DNAH8: variants seen among roughly 807,000 people sequenced by gnomAD.
DNAH8 encodes dynein axonemal heavy chain 8.
Under a neutral mutation model 562.1 loss-of-function variants are expected in DNAH8, and 382 were observed. The ratio of observed to expected loss-of-function variants is 0.68; its 90% confidence interval spans 0.63 to 0.74. The LOEUF (loss-of-function observed/expected upper bound fraction) is 0.74, where lower values mean the gene tolerates loss of function less well. DNAH8 is among the 30% of genes least tolerant of loss of function. The probability of loss-of-function intolerance (pLI) is 0.00; values close to 1 mark genes in which losing one functional copy is unlikely to be tolerated. For missense variants in DNAH8, 5,203 were observed against 5,620.4 expected, an observed-to-expected ratio of 0.93 and a Z score of 2.37; for synonymous variants, 1,881 against 1,919.4, an observed-to-expected ratio of 0.98 and a Z score of 0.52.
rs75272048 is a variant in DNAH8, at chr6:38,940,514, A to G, written c.12007+1526A>G. Among the ~76,000 whole-genome samples the G allele has an allele frequency of 2.2e-4, 33 of 152,318 alleles. 2 individuals are homozygous for G. In the East Asian group the frequency reaches 5.8e-3, roughly 27 times the overall value. On this transcript the variant is annotated intron_variant, in intron 79 of 92. Coordinates refer to ENST00000327475, the MANE Select transcript of DNAH8 (RefSeq NM_001206927.2). ...CAGTGACTTAACACAACCAAGGTGT[A>G]CTTCTCATTCATGTTACCTCTCCAA...
intron 8 of DNAH8, among the ~76,000 whole-genome samples, chr6:38,745,382 C>A (rs1388230441): frequency 6.6e-6 from 1 of 152,202 alleles, no homozygotes; most frequent in Non-Finnish European, 1.5e-5. Flanking sequence ...CCCCCATATG[C>A]ACTTTGACAA....
chr6:38,779,063 T>C (rs2038200), intron 14 of DNAH8, among the ~76,000 whole-genome samples: 18,649 of 152,154 alleles, frequency 0.12, 1,395 homozygotes, highest in Admixed American at 0.22. Context: ...CCCTCTATCC[T>C]AACAGCACTA....
intron 60 of DNAH8, among the ~76,000 whole-genome samples, chr6:38,897,936 A>T (rs1394657821): frequency 1.3e-5 from 2 of 152,230 alleles, no homozygotes; most frequent in African/African-American, 2.4e-5. Context: ...ATATTTTTGA[A>T]AGCTGCAAAC....
chr6:38,779,172 G>A (rs1031319648), intron 14 of DNAH8, among the ~76,000 whole-genome samples: 1 of 152,158 alleles, frequency 6.6e-6, no homozygotes, highest in Non-Finnish European at 1.5e-5. Flanking sequence ...TGTCAGGGAC[G>A]CTTGTGGAAC....
intron 61 of DNAH8, among the ~76,000 whole-genome samples, chr6:38,898,761 A>G (rs1779876424): frequency 6.6e-6 from 1 of 152,204 alleles, no homozygotes; most frequent in South Asian, 2.1e-4. Flanking sequence ...TGTTGCTTTT[A>G]AAAGTGTCAA....
chr6:38,838,492 G>A (rs1036499818), intron 33 of DNAH8, among the ~76,000 whole-genome samples: 54 of 149,996 alleles, frequency 3.6e-4, no homozygotes, highest in Admixed American at 1.6e-3. Flanking sequence ...TCTGCCTCCC[G>A]GATTCATGCT....
rs755614802 is a variant in DNAH8 at position 38,857,751 on chromosome 6, TC to T, written c.5958+10del. 2.6e-6 allele frequency: 4 copies of T among 1,559,068 alleles called. No homozygotes were observed. In the African/African-American group the frequency reaches 5.5e-5, roughly 21 times the overall value. ...ATATTTTTGATGACTTGGTAAGGTA[TC>T]TTTTTTTTTAATTTAGTGTACTAAC... is the stretch of plus-strand genomic sequence containing the variant. On this transcript the variant is annotated intron_variant, in intron 42 of 92. Transcript: ENST00000327475.
chr6:38,939,055 C>A, intron 79 of DNAH8, 67 bp downstream of exon 79: 1 of 1,244,326 alleles, frequency 8.0e-7, no homozygotes, highest in Non-Finnish European at 1.1e-6. Flanking sequence ...TTTGATATAC[C>A]ATAAACCCAT....
chr6:38,734,369 C>A, intron 4 of DNAH8, 105 bp from the exon 5 acceptor site: 1 of 1,240,900 alleles, frequency 8.1e-7, no homozygotes, highest in Admixed American at 3.6e-5. Context: ...TTGAAAACTT[C>A]TTACAATAAA....
chr6:38,852,494 A>G (rs2150390809), intron 39 of DNAH8, among the ~76,000 whole-genome samples, 200 bp from the exon 40 acceptor site: 1 of 152,276 alleles, frequency 6.6e-6, no homozygotes, highest in East Asian at 1.9e-4. Context: ...CAGGACTTGG[A>G]GAAAACATTC....
chr6:38,787,581 A>G (rs1299411159), intron 18 of DNAH8, among the ~76,000 whole-genome samples: 1 of 151,536 alleles, frequency 6.6e-6, no homozygotes, highest in Non-Finnish European at 1.5e-5. Context: ...TTGTAATCCC[A>G]GCTACTTAGG....
At chr6:38,907,920 T>TA (rs1243100641) in intron 63 of DNAH8, 36 bp from the exon 64 acceptor site, 2 of 1,494,952 alleles carry the variant, frequency 1.3e-6, no homozygotes, top group Admixed American at 4.5e-5. Flanking sequence ...GGAGAACTCT[T>TA]AAAACACAGA....
At chr6:38,752,059 G>A (rs1765498285) in intron 9 of DNAH8, among the ~76,000 whole-genome samples, 1 of 152,182 alleles carries the variant, frequency 6.6e-6, no homozygotes, top group African/African-American at 2.4e-5. Context: ...GGACCAAATT[G>A]GAATCTAGCT....
At chr6:39,014,085 C>G (rs551610798) in intron 91 of DNAH8, among the ~76,000 whole-genome samples, 7 of 152,236 alleles carry the variant, frequency 4.6e-5, no homozygotes, top group Admixed American at 1.3e-4. Flanking sequence ...CCTTTGTATA[C>G]ATACATTCAT....
At chr6:38,867,752 C>CAAAAAAAAAA (rs68060910) in intron 47 of DNAH8, among the ~76,000 whole-genome samples, 1 of 88,800 alleles carries the variant, frequency 1.1e-5, no homozygotes, top group Non-Finnish European at 2.3e-5. Flanking sequence ...GACTCCATCT[C>CAAAAAAAAAA]AAAAAAAAAA....
At chr6:38,982,989 A>G (rs934320673) in intron 86 of DNAH8, among the ~76,000 whole-genome samples, 9 of 152,198 alleles carry the variant, frequency 5.9e-5, no homozygotes, top group African/African-American at 1.9e-4. Flanking sequence ...TAAAAAAGGC[A>G]TTATTATTTA....
In DNAH8 at chr6:38,805,495, G is replaced by A. The variant is rs112491228; in HGVS notation, c.3049G>A (p.Val1017Ile). 2.8e-5 allele frequency: 45 copies of A among 1,606,104 alleles called. No homozygotes were observed. In the African/African-American group the frequency reaches 3.3e-4, roughly 12 times the overall value. Residue 1017 changes from valine to isoleucine, a missense_variant, in exon 23 of 93, where the codon GTT becomes ATT. Val to Ile is a conservative substitution (Grantham distance 29). Coordinates refer to ENST00000327475, the MANE Select transcript of DNAH8 (RefSeq NM_001206927.2). Reference sequence around the variant, plus strand: ...TTTGTCTATAGAACAGCGGAAACACGTTGTTTTTGGAAGTGAAACAGGAGA... The same window carrying A: ...TTTGTCTATAGAACAGCGGAAACACATTGTTTTTGGAAGTGAAACAGGAGA... ...VGKQSEQRKH[V>I]VFGSETGEGE...
intron 85 of DNAH8, among the ~76,000 whole-genome samples, chr6:38,979,069 T>G (rs1433241511): frequency 6.6e-6 from 1 of 152,240 alleles, no homozygotes; most frequent in African/African-American, 2.4e-5. Flanking sequence ...GAACCTTCTG[T>G]CTGCAGCCTT....
chr6:38,735,353 T>G (rs959423886), intron 5 of DNAH8, among the ~76,000 whole-genome samples: 2 of 152,228 alleles, frequency 1.3e-5, no homozygotes. Flanking sequence ...TGATAAAAGA[T>G]TGCTTGAAGA....
Sources: allele counts gnomAD v4.1 joint callset (sites outside exome capture counted in the v4.1 genomes callset), GRCh38; gene constraint gnomAD v4.1.1; transcripts MANE v1.5; gene names NCBI Gene and HGNC (gene_info 2026-07-23, HGNC 2026-07-21).